NVL: variants seen among roughly 807,000 people sequenced by gnomAD.
NVL encodes the protein nuclear valosin-containing protein-like.
NVL carries 84 observed loss-of-function variants against 110.2 expected under a neutral mutation model. The ratio of observed to expected loss-of-function variants is 0.76; its 90% CI spans 0.64 to 0.91. NVL has a LOEUF of 0.91. Ranked by LOEUF, NVL falls within the 40% of genes least tolerant of loss-of-function variation. The pLI, the probability that NVL is intolerant of heterozygous loss-of-function variation, is 0.00. For synonymous variants in NVL, 354 were observed against 361.1 expected (o/e 0.98, Z 0.22); for missense variants, 882 against 1,035.9 (o/e 0.85, Z 2.04).
At chr1:224,318,040 T>C (rs1455780430) in intron 2 of NVL, 110 bp from the exon 3 acceptor site, 11 of 663,118 alleles carry the variant, frequency 1.7e-5, no homozygotes, top group Non-Finnish European at 7.4e-6. Context: ...ATTGTTACAG[T>C]ATAGACACTT....
chr1:224,269,063 T>C (rs1357469102), intron 17 of NVL, among the ~76,000 whole-genome samples: 1 of 150,706 alleles, frequency 6.6e-6, no homozygotes, highest in Non-Finnish European at 1.5e-5. Flanking sequence ...GGAGGTTGTA[T>C]ACCAACTTTG....
At chr1:224,247,593 C>T (rs913584298) in intron 19 of NVL, among the ~76,000 whole-genome samples, 5 of 151,778 alleles carry the variant, frequency 3.3e-5, no homozygotes, top group Admixed American at 6.6e-5. Context: ...CACCTGAATG[C>T]GGGAGGTGGA....
Position 224,250,287 on chromosome 1 carries a change from GC to G in NVL, c.2213del (p.Gly738AlafsTer21), listed in dbSNP as rs750990645. On this transcript the variant is annotated frameshift_variant, in exon 19 of 23. Coordinates refer to ENST00000281701, the MANE Select transcript of NVL (RefSeq NM_002533.4). LOFTEE classifies it high-confidence loss of function. Reference sequence around the variant, plus strand: ...CCACAAACAGTGTTTTGTCCAGGCGGCCCGGGCGCAGGATTGCAGGGTCAAT... The same window carrying G: ...CCACAAACAGTGTTTTGTCCAGGCGGCCGGGCGCAGGATTGCAGGGTCAAT... ...DIIDPAILRP[G>X]RLDKTLFVGL... The G allele has an allele frequency of 3.7e-6, 6 of 1,600,954 alleles. No individual in the cohort carries two copies. In the East Asian group the frequency reaches 9.1e-5, roughly 24 times the overall value.
intron 19 of NVL, among the ~76,000 whole-genome samples, chr1:224,243,311 AT>A (rs1445320803): frequency 6.6e-6 from 1 of 151,118 alleles, no homozygotes; most frequent in Non-Finnish European, 1.5e-5. Flanking sequence ...AAAAAAAAAA[AT>A]TAGCTAGGCC....
rs1670228398 is a variant in NVL, at chr1:224,317,701, C to T, written c.277G>A (p.Asp93Asn). Residue 93 changes from aspartate to asparagine, a missense_variant, in exon 4 of 23, where the codon GAT becomes AAT. Asp to Asn is a conservative substitution (Grantham distance 23, BLOSUM62 1). This residue lies in a region of NVL where 274 missense variants were observed against 268.4 expected (regional missense o/e 1.02). Coordinates refer to ENST00000281701, the MANE Select transcript of NVL (RefSeq NM_002533.4). ...TGCATTTGGTATACTTACTCATTAT[C>T]CTCTTCACCTTGTCTTGCCCTTTTT... ...LAKRARQGEE[D>N]NEYTESYSDD... 2.5e-6 allele frequency: 4 copies of T among 1,584,548 alleles called. No homozygotes were observed. The highest frequency in any genetic ancestry group is 2.2e-5 in the South Asian group (2 of 90,168).
chr1:224,293,384 C>T (rs186443911), intron 12 of NVL, among the ~76,000 whole-genome samples: 1 of 152,262 alleles, frequency 6.6e-6, no homozygotes, highest in East Asian at 1.9e-4. Context: ...CATTTCTTAA[C>T]TAGATTTCCA....
At chr1:224,284,429 G>A (rs1571944188) in intron 15 of NVL, among the ~76,000 whole-genome samples, 1 of 151,800 alleles carries the variant, frequency 6.6e-6, no homozygotes, top group East Asian at 1.9e-4. Context: ...AAGCTGGCAT[G>A]CAGTGGTGTG....
Position 224,274,503 on chromosome 1 carries a change from G to A in NVL, c.2082+836C>T, listed in dbSNP as rs143336335. Among the ~76,000 whole-genome samples, 289 of 151,830 alleles carry A rather than the reference G, an allele frequency of 1.9e-3. 2 individuals carry two copies. The highest frequency in any genetic ancestry group is 6.3e-3 in the African/African-American group (262 of 41,340). ...AATACAAAAATTAGCCAGGCATGGTGGCGGGTGCCTGTAATCCCAGCTACT... is the reference window on the plus strand; with the variant it reads ...AATACAAAAATTAGCCAGGCATGGTAGCGGGTGCCTGTAATCCCAGCTACT... On this transcript the variant is annotated intron_variant, in intron 17 of 22. Transcript: ENST00000281701.
At chr1:224,260,997 T>G (rs775564434) in intron 18 of NVL, among the ~76,000 whole-genome samples, 1 of 152,178 alleles carries the variant, frequency 6.6e-6, no homozygotes, top group Non-Finnish European at 1.5e-5. Flanking sequence ...TGCCTCAGCC[T>G]CCCGAGTAGC....
chr1:224,307,608 G>T (rs545091607), intron 6 of NVL, among the ~76,000 whole-genome samples: 1 of 151,902 alleles, frequency 6.6e-6, no homozygotes, highest in African/African-American at 2.4e-5. Context: ...GCTGAGGTGG[G>T]GGATGGCTTG....
chr1:224,268,784 A>C (rs1250908613), intron 17 of NVL, among the ~76,000 whole-genome samples: 3 of 152,050 alleles, frequency 2.0e-5, no homozygotes, highest in Non-Finnish European at 4.4e-5. Flanking sequence ...TCTGCCTCCC[A>C]AGTAGCTGGG....
At position 224,286,049 on chromosome 1, in the gene NVL, A is replaced by G. The variant is rs745825009; in HGVS notation, c.1876T>C (p.Cys626Arg). The stretch of plus-strand genomic sequence containing the variant: ...ACCTTCGCCAGCAGAGTCTTCCCAC[A>G]GCCAGGAGGACCAGCAAGGAGGACC... ...AGVLLAGPPG[C>R]GKTLLAKAVA... The change falls in exon 15 of 23, where the codon TGT becomes CGT. Residue 626 changes from cysteine to arginine, a missense_variant. By Grantham distance (180) the Cys-to-Arg change is radical. Around this residue, in one of 4 missense-constraint regions of NVL, gnomAD observed 416 missense variants for 499.3 expected, o/e 0.83. Coordinates refer to ENST00000281701, the MANE Select transcript of NVL (RefSeq NM_002533.4). 1 of 1,614,058 alleles carries G rather than the reference A, an allele frequency of 6.2e-7. No individual in the cohort carries two copies. Among genetic ancestry groups the G allele is most frequent in the Non-Finnish European group, 8.5e-7 (1 of 1,179,960 alleles).
chr1:224,329,974 G>T lies in NVL; in HGVS notation c.57+97C>A, dbSNP rs1037476442. The stretch of plus-strand genomic sequence containing the variant: ...GACCCAGACTGGGGAAAGAAGACTA[G>T]TTGAGTTCCACCTGGATGCCACCCG... On this transcript the variant is annotated intron_variant, in intron 1 of 22. Transcript: ENST00000281701. The T allele has an allele frequency of 5.0e-6, 6 of 1,204,798 alleles. No individual in the cohort carries two copies. In the African/African-American group the frequency reaches 7.4e-5, roughly 15 times the overall value. The allele number at this position is 1,204,798 out of a possible 1,614,324, so 74.6% of individuals were successfully genotyped here.
At chr1:224,260,279 T>G (rs1291578431) in intron 18 of NVL, among the ~76,000 whole-genome samples, 2 of 152,200 alleles carry the variant, frequency 1.3e-5, no homozygotes, top group Non-Finnish European at 2.9e-5. Context: ...ATTACTATTA[T>G]TTTTTGAGAC....
intron 2 of NVL, among the ~76,000 whole-genome samples, chr1:224,323,570 T>C (rs1670861847): frequency 6.6e-6 from 1 of 152,024 alleles, no homozygotes; most frequent in Non-Finnish European, 1.5e-5. Flanking sequence ...GGGACAAAAT[T>C]AAGGAAGGCT....
chr1:224,243,663 C>CTT (rs34312268), intron 19 of NVL, among the ~76,000 whole-genome samples: 111,961 of 136,622 alleles, frequency 0.82, 46,548 homozygotes, highest in South Asian at 0.91. Context: ...TTAAGTCATA[C>CTT]TTTTTTTTTT....
At position 224,326,552 on chromosome 1, in the gene NVL, A is replaced by G. The variant is rs912398962; in HGVS notation, c.58-88T>C. The G allele has an allele frequency of 2.0e-5, 15 of 764,936 alleles. No homozygotes were observed. In the African/African-American group the frequency reaches 2.6e-4, roughly 13 times the overall value. The allele number at this position is 764,936 out of a possible 1,614,324, so 47.4% of individuals were successfully genotyped here. A position where few individuals can be genotyped will look rare whatever the true frequency, so the allele number is the denominator to read the frequency against. On this transcript the variant is annotated intron_variant, in intron 1 of 22. Coordinates refer to ENST00000281701, the MANE Select transcript of NVL (RefSeq NM_002533.4). ...ACAGATTGAGCTATCTGAACACATT[A>G]TACTTTAAGATAAACTCTTCGTTAA... is the stretch of plus-strand genomic sequence containing the variant.
At chr1:224,312,076 A>C (rs988757478) in intron 4 of NVL, 13 of 448,418 alleles carry the variant, frequency 2.9e-5, no homozygotes, top group Non-Finnish European at 3.1e-5. Context: ...AGATTTAATA[A>C]GTAATGTCTG....
chr1:224,268,660 GTTTGTTTT>G (rs1235089093), intron 17 of NVL, among the ~76,000 whole-genome samples: 3 of 147,568 alleles, frequency 2.0e-5, no homozygotes, highest in Non-Finnish European at 3.0e-5. Context: ...TTGTTTGTTT[GTTTGTTTT>G]GTTTTTTGAG....
Sources: gnomAD v4.1 joint callset for allele counts (sites outside exome capture counted in the v4.1 genomes callset) on GRCh38, gnomAD v4.1.1 for gene constraint, gnomAD v4.1.1 regional missense constraint, MANE v1.5 for transcripts, NCBI Gene and HGNC (gene_info 2026-07-23, HGNC 2026-07-21) for gene names.